The following ARHGAP23 variants were observed in gnomAD, a reference collection of about 807,000 sequenced individuals.
The protein encoded by ARHGAP23 is Rho GTPase activating protein 23.
Under a neutral mutation model 136.3 loss-of-function variants are expected in ARHGAP23, and 34 were observed. The observed-to-expected ratio is 0.25, with a 90% CI of 0.19 to 0.33. The LOEUF (loss-of-function observed/expected upper bound fraction) is 0.33. Ranked by LOEUF, ARHGAP23 falls within the 10% of genes least tolerant of loss-of-function variation. ARHGAP23 has a pLI of 1.00. For synonymous variants in ARHGAP23, 832 were observed against 920.5 expected, an observed-to-expected ratio of 0.90 and a Z score of 1.74; for missense variants, 1,808 against 2,139.0, an observed-to-expected ratio of 0.85 and a Z score of 3.05.
At chr17:38,465,437 G>A (rs1031672144) in intron 6 of ARHGAP23, among the ~76,000 whole-genome samples, 3 of 152,194 alleles carry the variant, frequency 2.0e-5, no homozygotes, top group Non-Finnish European at 4.4e-5. Context: ...AGGCTCCTGG[G>A]CAGCTCAGCA....
intron 1 of ARHGAP23, among the ~76,000 whole-genome samples, chr17:38,437,996 C>T (rs1424028049): frequency 1.4e-5 from 2 of 146,104 alleles, no homozygotes; most frequent in East Asian, 3.9e-4. Context: ...GAAGGCTTCA[C>T]TGTGGGGAGA....
At chr17:38,491,375 G>T (rs2040275342) in intron 19 of ARHGAP23, 32 bp from the exon 20 acceptor site, 35 of 1,549,514 alleles carry the variant, frequency 2.3e-5, no homozygotes, top group Non-Finnish European at 3.0e-5. Context: ...AGGTCAGGAT[G>T]TTGACAGTGA....
chr17:38,500,590 C>G lies in ARHGAP23; in HGVS notation c.3416-7C>G. 1 of 1,548,912 alleles carries G rather than the reference C, an allele frequency of 6.5e-7. No individual in the cohort carries two copies. Among genetic ancestry groups the G allele is most frequent in the Non-Finnish European group, 8.7e-7 (1 of 1,146,398 alleles). On this transcript the variant is annotated splice_polypyrimidine_tract_variant and splice_region_variant and intron_variant, in intron 22 of 23. Transcript: ENST00000622683. Reference sequence around the variant, plus strand: ...CTTTCATTTTTTTTTCTGTCTTTCACCAACAGATTCTACCACCTGTAGTTC... The same window carrying G: ...CTTTCATTTTTTTTTCTGTCTTTCAGCAACAGATTCTACCACCTGTAGTTC...
intron 20 of ARHGAP23, among the ~76,000 whole-genome samples, chr17:38,494,472 T>C (rs1351978544): frequency 1.3e-5 from 2 of 151,932 alleles, no homozygotes; most frequent in Non-Finnish European, 1.5e-5. Context: ...GTCTGTGGTC[T>C]CAACTACTTG....
intron 19 of ARHGAP23, among the ~76,000 whole-genome samples, chr17:38,490,778 CG>C (rs1256551422): frequency 3.3e-5 from 5 of 152,196 alleles, no homozygotes; most frequent in Non-Finnish European, 7.3e-5. Flanking sequence ...CAGGGAACCC[CG>C]GCCCCCCGTA....
chr17:38,467,684 A>ATCCAT (rs1266234564), intron 7 of ARHGAP23, among the ~76,000 whole-genome samples: 1 of 147,116 alleles, frequency 6.8e-6, no homozygotes, highest in African/African-American at 2.5e-5. Context: ...CATTTGTTCC[A>ATCCAT]TCCATTCATC....
At position 38,491,256 on chromosome 17, in the gene ARHGAP23, C is replaced by T. The variant is rs1037652801; in HGVS notation, c.3151-151C>T. The T allele has an allele frequency of 2.0e-5, 22 of 1,106,360 alleles. No individual in the cohort carries two copies. In the African/African-American group the frequency reaches 3.1e-4, roughly 16 times the overall value. 68.5% of individuals were successfully genotyped at this position (1,106,360 alleles called of 1,614,324 possible). A position where few individuals can be genotyped will look rare whatever the true frequency, so the allele number is the denominator to read the frequency against. ...GCTGAAATCTGGTCTGTGCTCTACT[C>T]ATCAAGCATCTCCATGCCCATACAA... On this transcript the variant is annotated intron_variant, in intron 19 of 23. Coordinates refer to ENST00000622683, the MANE Select transcript of ARHGAP23 (RefSeq NM_001199417.2).
chr17:38,505,590 A>G (rs2144812965), intron 23 of ARHGAP23, among the ~76,000 whole-genome samples: 1 of 152,290 alleles, frequency 6.6e-6, no homozygotes, highest in East Asian at 1.9e-4. Flanking sequence ...CATTGACAAC[A>G]GATATTGGAA....
rs768810537 is a variant in ARHGAP23 at position 38,458,181 on chromosome 17, A to T, written c.143A>T (p.Lys48Ile). The change falls in exon 2 of 24, where the codon AAA (lysine) becomes ATA (isoleucine). Residue 48 changes from lysine to isoleucine, a missense_variant. Lys to Ile is a moderately radical substitution (Grantham distance 102). Transcript: ENST00000622683. ...GGGCCGAGGACGCTGCTGCTGTACA[A>T]AAGTCCCCAGGACGGCTTTGGCTTC... The part of the protein sequence containing the change: ...WQGPRTLLLY[K>I]SPQDGFGFTL... 6.5e-7 allele frequency: 1 copy of T among 1,536,072 alleles called. No homozygotes were observed. Among genetic ancestry groups the T allele is most frequent in the Non-Finnish European group, 8.7e-7 (1 of 1,146,874 alleles).
At chr17:38,488,831 G>C (rs2040211250) in intron 17 of ARHGAP23, among the ~76,000 whole-genome samples, 1 of 151,810 alleles carries the variant, frequency 6.6e-6, no homozygotes, top group African/African-American at 2.4e-5. Flanking sequence ...TTACAGGCGT[G>C]AGCCACCGCG....
At chr17:38,420,932 A>T (rs2038514365) in intron 1 of ARHGAP23, among the ~76,000 whole-genome samples, 1 of 151,968 alleles carries the variant, frequency 6.6e-6, no homozygotes, top group Admixed American at 6.5e-5. Context: ...ATTTTTTTTT[A>T]AAAGAGGGGC....
intron 1 of ARHGAP23, among the ~76,000 whole-genome samples, chr17:38,449,161 C>T (rs537299968): frequency 6.6e-5 from 10 of 152,304 alleles, no homozygotes; most frequent in African/African-American, 2.4e-4. Flanking sequence ...CTCAGCCCAC[C>T]TCCCTGATGG....
chr17:38,445,639 C>CT (rs10708272), intron 1 of ARHGAP23, among the ~76,000 whole-genome samples: 78 of 145,024 alleles, frequency 5.4e-4, no homozygotes, highest in Admixed American at 1.5e-3. Context: ...TCATTCATTC[C>CT]TTTTTTTTTT....
At chr17:38,460,262 A>C (rs2039426398) in intron 2 of ARHGAP23, among the ~76,000 whole-genome samples, 1 of 150,868 alleles carries the variant, frequency 6.6e-6, no homozygotes, top group South Asian at 2.1e-4. Context: ...TTTCACCTCC[A>C]CTCTCTCTCA....
intron 17 of ARHGAP23, among the ~76,000 whole-genome samples, chr17:38,486,531 G>A (rs1026026524): frequency 5.2e-5 from 7 of 134,462 alleles, no homozygotes; most frequent in African/African-American, 1.3e-4. Context: ...GAGCCACCAC[G>A]CTGGCTTTTT....
chr17:38,497,697 C>T (rs1266581816), intron 20 of ARHGAP23, 88 bp from the exon 21 acceptor site: 13 of 1,409,776 alleles, frequency 9.2e-6, no homozygotes, highest in African/African-American at 1.4e-5. Flanking sequence ...CGCCCCTTGC[C>T]GCCTGAGCGG....
At chr17:38,426,043 G>A (rs534231711), upstream of ARHGAP23, among the ~76,000 whole-genome samples, 1 of 152,038 alleles carries the variant, frequency 6.6e-6, no homozygotes, top group African/African-American at 2.4e-5. Flanking sequence ...GTGAGCCAGG[G>A]GCACCCCACG....
rs1025168386 is a variant in ARHGAP23, at chr17:38,498,928, C to G, written c.3415+418C>G. On this transcript the variant is annotated intron_variant, in intron 22 of 23. Transcript: ENST00000622683. ...TCTCTTCTCCTCCCCCTCCCCTCCT[C>G]CAGCGGACCTGTTGGAGATTTAAAG... 4.3e-6 allele frequency: 3 copies of G among 692,972 alleles called. No individual in the cohort carries two copies. The African/African-American group carries it at 5.3e-5, about 12-fold the overall frequency. The allele number at this position is 692,972 out of a possible 1,614,324, so 42.9% of individuals were successfully genotyped here.
Position 38,477,938 on chromosome 17 carries a change from G to A in ARHGAP23, c.2436+42G>A. 6.5e-7 allele frequency: 1 copy of A among 1,543,620 alleles called. No individual in the cohort carries two copies. Among genetic ancestry groups the A allele is most frequent in the Middle Eastern group, 2.3e-4 (1 of 4,346 alleles). ...CCCGGCAGCCACAGAGGGCGGGCGG[G>A]GTGGCCTCTCACCGGCTGTGGACCT... On this transcript the variant is annotated intron_variant, in intron 12 of 23. Transcript: ENST00000622683. This position sits in a 1 kb window ranked among gnomAD's most constrained non-coding sequence, Gnocchi z 6.6.
Sources: allele counts gnomAD v4.1 joint callset (sites outside exome capture counted in the v4.1 genomes callset), GRCh38; gene constraint gnomAD v4.1.1; non-coding constraint Gnocchi (gnomAD v3.1); transcripts MANE v1.5; gene names NCBI Gene and HGNC (gene_info 2026-07-23, HGNC 2026-07-21).